PTPRD: variants seen among roughly 807,000 people sequenced by gnomAD.
The protein encoded by PTPRD is receptor-type tyrosine-protein phosphatase delta.
A neutral mutation model predicts 214.5 loss-of-function variants in PTPRD; 34 were observed. That is an observed-to-expected ratio of 0.16 (90% confidence interval 0.12 to 0.21). The LOEUF is 0.21. PTPRD is among the 10% of genes least tolerant of loss of function. The probability of loss-of-function intolerance (pLI) is 1.00; values close to 1 mark genes in which losing one functional copy is unlikely to be tolerated. For missense variants in PTPRD, 2,545 were observed against 2,398.7 expected (o/e 1.06, Z -1.27); for synonymous variants, 1,128 against 845.7 (o/e 1.33, Z -5.79).
intron 14 of PTPRD, among the ~76,000 whole-genome samples, chr9:8,556,780 T>C (rs998631473): frequency 6.6e-6 from 1 of 152,084 alleles, no homozygotes; most frequent in African/African-American, 2.4e-5. Context: ...CAGAAAATAT[T>C]TGAAGTTACA....
intron 11 of PTPRD, among the ~76,000 whole-genome samples, chr9:8,933,340 G>GTTTTGTTT (rs2098966631): frequency 3.7e-5 from 3 of 80,430 alleles, no homozygotes; most frequent in African/African-American, 1.5e-4. Context: ...CAACCTTGAG[G>GTTTTGTTT]TTTTTTTTTT....
intron 4 of PTPRD, among the ~76,000 whole-genome samples, chr9:9,994,914 T>C (rs1342064721): frequency 2.0e-5 from 3 of 152,116 alleles, no homozygotes; most frequent in Admixed American, 1.3e-4. Flanking sequence ...TGCATCCATG[T>C]TTTTAAAATA....
At chr9:9,370,068 G>T (rs1054554586) in intron 9 of PTPRD, among the ~76,000 whole-genome samples, 3 of 151,972 alleles carry the variant, frequency 2.0e-5, no homozygotes, top group African/African-American at 7.3e-5. Context: ...TTGTTCTTTT[G>T]GCTTAGGATT....
chr9:9,960,197 T>C (rs1163139935), intron 4 of PTPRD, among the ~76,000 whole-genome samples: 1 of 115,954 alleles, frequency 8.6e-6, no homozygotes, highest in Non-Finnish European at 1.8e-5. Context: ...AAAAAAGGAG[T>C]ATGAAAAAAG....
At chr9:9,898,751 T>C (rs1242165116) in intron 5 of PTPRD, among the ~76,000 whole-genome samples, 2 of 152,084 alleles carry the variant, frequency 1.3e-5, no homozygotes, top group African/African-American at 4.8e-5. Flanking sequence ...CTGTAATATA[T>C]TCCACTTGAC....
At chr9:9,553,372 T>C (rs1046258665) in intron 8 of PTPRD, among the ~76,000 whole-genome samples, 7 of 152,112 alleles carry the variant, frequency 4.6e-5, no homozygotes, top group African/African-American at 1.7e-4. Context: ...TCTGCCAACA[T>C]TGTACAAACC....
At chr9:9,271,067 T>A (rs1942706311) in intron 9 of PTPRD, among the ~76,000 whole-genome samples, 2 of 151,272 alleles carry the variant, frequency 1.3e-5, no homozygotes, top group Non-Finnish European at 1.5e-5. Flanking sequence ...CAGGTGGAGA[T>A]AAGGAGGACC....
At chr9:9,728,225 C>A (rs2098126309) in intron 7 of PTPRD, among the ~76,000 whole-genome samples, 1 of 152,088 alleles carries the variant, frequency 6.6e-6, no homozygotes, top group Non-Finnish European at 1.5e-5. Flanking sequence ...TATAAATTAC[C>A]CAGTCTCTGG....
intron 9 of PTPRD, among the ~76,000 whole-genome samples, chr9:9,313,334 G>C (rs1385590209): frequency 3.9e-5 from 6 of 152,140 alleles, no homozygotes; most frequent in Admixed American, 1.3e-4. Context: ...AGGAGAGTAA[G>C]TTCAGAAGAA....
chr9:10,559,617 A>T (rs1175849625), intron 2 of PTPRD, among the ~76,000 whole-genome samples: 2 of 152,160 alleles, frequency 1.3e-5, no homozygotes, highest in African/African-American at 2.4e-5. Context: ...CAGAGTGAAC[A>T]GGCAACCCAC....
chr9:9,182,883 C>A (rs78105708), intron 10 of PTPRD, among the ~76,000 whole-genome samples: 1,617 of 151,916 alleles, frequency 0.011, 13 homozygotes, highest in Middle Eastern at 0.034. Flanking sequence ...TTTGTAGCTT[C>A]CAAAAGAGCC....
At chr9:8,640,518 T>C (rs559618163) in intron 12 of PTPRD, among the ~76,000 whole-genome samples, 20 of 145,768 alleles carry the variant, frequency 1.4e-4, no homozygotes, top group African/African-American at 4.6e-4. Context: ...TTTTTCTAAA[T>C]CCTACCACTG....
At chr9:8,634,097 G>A (rs886706928) in intron 13 of PTPRD, among the ~76,000 whole-genome samples, 1 of 151,966 alleles carries the variant, frequency 6.6e-6, no homozygotes, top group African/African-American at 2.4e-5. Context: ...CATTCTTGCT[G>A]TAAAATGGAG....
intron 2 of PTPRD, among the ~76,000 whole-genome samples, chr9:10,377,058 A>G (rs929042196): frequency 6.6e-6 from 1 of 151,386 alleles, no homozygotes; most frequent in Non-Finnish European, 1.5e-5. Context: ...ACCCTCTATT[A>G]CCCTTTCCAG....
chr9:9,949,523 G>A (rs1339698130), intron 4 of PTPRD, among the ~76,000 whole-genome samples: 1 of 152,086 alleles, frequency 6.6e-6, no homozygotes, highest in South Asian at 2.1e-4. Context: ...CTCGTAGGGA[G>A]TTAATGATTT....
At chr9:10,410,083 T>C (rs962286100) in intron 2 of PTPRD, among the ~76,000 whole-genome samples, 3 of 151,450 alleles carry the variant, frequency 2.0e-5, no homozygotes, top group Non-Finnish European at 2.9e-5. Flanking sequence ...TAGCAATAGA[T>C]AATAAATATA....
chr9:8,635,855 A>G (rs546061618), intron 13 of PTPRD, among the ~76,000 whole-genome samples: 1 of 152,174 alleles, frequency 6.6e-6, no homozygotes, highest in African/African-American at 2.4e-5. Flanking sequence ...AGCTTTCTAT[A>G]TATCTTATTG....
intron 3 of PTPRD, among the ~76,000 whole-genome samples, chr9:10,177,579 C>T (rs1176129101): frequency 1.3e-5 from 2 of 151,668 alleles, no homozygotes; most frequent in East Asian, 3.9e-4. Flanking sequence ...AATTAGGAGG[C>T]TTTCTTGTAT....
At chr9:8,634,796 T>C (rs530336393) in intron 13 of PTPRD, among the ~76,000 whole-genome samples, 4 of 151,990 alleles carry the variant, frequency 2.6e-5, no homozygotes, top group Non-Finnish European at 5.9e-5. Flanking sequence ...AATTTATTAA[T>C]AAATGTCATT....
Sources: gnomAD v4.1 joint callset for allele counts (sites outside exome capture counted in the v4.1 genomes callset) on GRCh38, gnomAD v4.1.1 for gene constraint, MANE v1.5 for transcripts, NCBI Gene and HGNC (gene_info 2026-07-23, HGNC 2026-07-21) for gene names.